Variants in PPM1H observed in about 807,000 individuals in gnomAD.
PPM1H encodes the protein protein phosphatase 1H.
A neutral mutation model predicts 54.9 loss-of-function variants in PPM1H; 27 were observed. The ratio of observed to expected loss-of-function variants is 0.49; its 90% CI spans 0.36 to 0.68. The LOEUF is 0.68. Among genes scored for constraint, PPM1H ranks in the 30% least tolerant of loss-of-function variants. The probability of loss-of-function intolerance (pLI) is 0.00; values close to 1 mark genes in which losing one functional copy is unlikely to be tolerated. For missense variants in PPM1H, 596 were observed against 667.8 expected (o/e 0.89, Z 1.19); for synonymous variants, 305 against 270.8 (o/e 1.13, Z -1.24).
chr12:62,789,862 CTG>C (rs2076693619), intron 3 of PPM1H, among the ~76,000 whole-genome samples: 1 of 152,212 alleles, frequency 6.6e-6, no homozygotes, highest in Non-Finnish European at 1.5e-5. Context: ...CTGTGAAATT[CTG>C]TGTTAGCGAT....
intron 4 of PPM1H, among the ~76,000 whole-genome samples, chr12:62,738,191 T>C (rs777509263): frequency 6.6e-6 from 1 of 152,184 alleles, no homozygotes; most frequent in East Asian, 1.9e-4. Context: ...GCCAGCAGCA[T>C]TGGCTTCACC....
intron 4 of PPM1H, among the ~76,000 whole-genome samples, chr12:62,776,483 T>C (rs1210703372): frequency 6.6e-6 from 1 of 152,220 alleles, no homozygotes; most frequent in African/African-American, 2.4e-5. Context: ...TTTTTGATCA[T>C]AGCTACGTTC....
chr12:62,787,841 G>A (rs541825117), intron 4 of PPM1H, among the ~76,000 whole-genome samples: 27 of 152,316 alleles, frequency 1.8e-4, no homozygotes, highest in African/African-American at 6.3e-4. Flanking sequence ...ACAGTGCAAA[G>A]TCACTAAGTA....
intron 9 of PPM1H, among the ~76,000 whole-genome samples, chr12:62,653,318 C>A: frequency 6.6e-6 from 1 of 152,234 alleles, no homozygotes; most frequent in East Asian, 1.9e-4. Flanking sequence ...TAGATATTCT[C>A]CATAAACTCT....
chr12:62,660,472 G>A (rs911071214), intron 9 of PPM1H, among the ~76,000 whole-genome samples: 2 of 152,106 alleles, frequency 1.3e-5, no homozygotes, highest in Non-Finnish European at 2.9e-5. Context: ...AAATAGCATG[G>A]TACTGGCATA....
chr12:62,872,284 G>C (rs143703543), intron 1 of PPM1H, among the ~76,000 whole-genome samples: 1 of 152,314 alleles, frequency 6.6e-6, no homozygotes, highest in East Asian at 1.9e-4. Context: ...AGTAAGAAGT[G>C]CCCATGGTTC....
At chr12:62,655,482 G>T (rs1410178193) in intron 9 of PPM1H, among the ~76,000 whole-genome samples, 1 of 152,198 alleles carries the variant, frequency 6.6e-6, no homozygotes, top group African/African-American at 2.4e-5. Context: ...GCTTAAGGTG[G>T]TATTAAAACA....
chr12:62,825,050 G>GA (rs896479873), intron 2 of PPM1H, among the ~76,000 whole-genome samples: 38 of 144,842 alleles, frequency 2.6e-4, no homozygotes, highest in East Asian at 8.0e-4. Flanking sequence ...AATTTACAAG[G>GA]AAAAAAAAAA....
chr12:62,822,098 T>G (rs1311245149), intron 2 of PPM1H, among the ~76,000 whole-genome samples: 1 of 149,746 alleles, frequency 6.7e-6, no homozygotes, highest in Non-Finnish European at 1.5e-5. Context: ...AAAAGCAGGG[T>G]TGCAATCCTA....
chr12:62,746,868 C>T (rs955106133), intron 4 of PPM1H, among the ~76,000 whole-genome samples: 11 of 152,242 alleles, frequency 7.2e-5, no homozygotes, highest in African/African-American at 2.7e-4. Context: ...CACATTGCCT[C>T]AGTACACTGC....
At chr12:62,671,468 T>C (rs960925828) in intron 8 of PPM1H, among the ~76,000 whole-genome samples, 1 of 152,222 alleles carries the variant, frequency 6.6e-6, no homozygotes, top group African/African-American at 2.4e-5. Context: ...TACGCTTTTA[T>C]TGCATACTTG....
intron 1 of PPM1H, among the ~76,000 whole-genome samples, chr12:62,838,338 TGGG>T (rs369140482): frequency 0.051 from 4,756 of 93,338 alleles, 325 homozygotes; most frequent in African/African-American, 0.22. Flanking sequence ...TGTGTGTGTG[TGGG>T]GGGGGGGAGA....
chr12:62,875,229 T>C (rs1592648349), intron 1 of PPM1H, among the ~76,000 whole-genome samples: 1 of 152,336 alleles, frequency 6.6e-6, no homozygotes, highest in African/African-American at 2.4e-5. Flanking sequence ...AACAGGGACA[T>C]GGTTCTGGGA....
At chr12:62,906,549 TTCTC>T (rs1478017316) in intron 1 of PPM1H, among the ~76,000 whole-genome samples, 5 of 152,224 alleles carry the variant, frequency 3.3e-5, no homozygotes, top group Non-Finnish European at 5.9e-5. Flanking sequence ...TAGCAGGTGC[TTCTC>T]TCTATGAACA....
In PPM1H at chr12:62,738,355, G is replaced by A. The variant is rs545573126; in HGVS notation, c.870-769C>T. Among the ~76,000 whole-genome samples the A allele has an allele frequency of 1.6e-4, 24 of 151,950 alleles. No individual in the cohort carries two copies. In the East Asian group the frequency reaches 4.4e-3, roughly 28 times the overall value. The stretch of plus-strand genomic sequence containing the variant: ...TTGAATTTCTAGGGTGATATCCTGG[G>A]TCCAGGGGGAAAAAAAAAACCAAAA... On this transcript the variant is annotated intron_variant, in intron 4 of 9. Transcript: ENST00000228705.
chr12:62,714,519 T>C (rs527332301), intron 6 of PPM1H, among the ~76,000 whole-genome samples: 2 of 152,108 alleles, frequency 1.3e-5, no homozygotes, highest in African/African-American at 4.8e-5. Flanking sequence ...TCTAATGGGA[T>C]CTGTCTTTTC....
intron 3 of PPM1H, among the ~76,000 whole-genome samples, chr12:62,792,385 C>T (rs1232673991): frequency 6.6e-6 from 1 of 152,198 alleles, no homozygotes; most frequent in Non-Finnish European, 1.5e-5. Context: ...CTCTGTAGCT[C>T]CCCCTGAATA....
At chr12:62,902,073 A>G (rs1374864384) in intron 1 of PPM1H, among the ~76,000 whole-genome samples, 2 of 152,188 alleles carry the variant, frequency 1.3e-5, no homozygotes, top group Non-Finnish European at 2.9e-5. Context: ...TTAAAATAAA[A>G]GCTTTTTGGC....
chr12:62,829,987 A>G (rs1868332947), intron 2 of PPM1H, among the ~76,000 whole-genome samples: 1 of 152,204 alleles, frequency 6.6e-6, no homozygotes, highest in African/African-American at 2.4e-5. Flanking sequence ...CCTTTCCCAT[A>G]ATAACAATCC....
Sources: allele counts gnomAD v4.1 joint callset (sites outside exome capture counted in the v4.1 genomes callset), GRCh38; gene constraint gnomAD v4.1.1; transcripts MANE v1.5; gene names NCBI Gene and HGNC (gene_info 2026-07-23, HGNC 2026-07-21).